Variants in TMEM177 observed in about 807,000 individuals in gnomAD.
TMEM177 encodes the protein transmembrane protein 177.
In TMEM177, 4 loss-of-function variants were observed where a neutral mutation model predicts 14.2. The observed-to-expected ratio is 0.28, with a 90% CI of 0.14 to 0.64. The LOEUF (loss-of-function observed/expected upper bound fraction) is 0.64, where lower values mean the gene tolerates loss of function less well. TMEM177 is among the 30% of genes least tolerant of loss of function. The pLI, the probability that TMEM177 is intolerant of heterozygous loss-of-function variation, is 0.82. For synonymous variants in TMEM177, 179 were observed against 174.5 expected (o/e 1.03, Z -0.20); for missense variants, 344 against 405.2 (o/e 0.85, Z 1.30).
the TMEM177 span, among the ~76,000 whole-genome samples, chr2:119,691,843 A>G: frequency 6.6e-6 from 1 of 152,176 alleles, no homozygotes; most frequent in African/African-American, 2.4e-5. Flanking sequence ...GGTCCCCATC[A>G]CCTGGTGACA....
chr2:119,701,022 C>T, the TMEM177 span, among the ~76,000 whole-genome samples: 1 of 152,196 alleles, frequency 6.6e-6, no homozygotes, highest in Non-Finnish European at 1.5e-5. Context: ...ATCCTGGGGA[C>T]AAGAGAGCCA....
chr2:119,718,590 TCTTA>T, the TMEM177 span, among the ~76,000 whole-genome samples: 1 of 152,242 alleles, frequency 6.6e-6, no homozygotes, highest in Non-Finnish European at 1.5e-5. Flanking sequence ...GCCATCTCAC[TCTTA>T]CTTCATGTGG....
At chr2:119,695,220 G>T in the TMEM177 span, among the ~76,000 whole-genome samples, 1 of 152,190 alleles carries the variant, frequency 6.6e-6, no homozygotes, top group Admixed American at 6.5e-5. Context: ...GGACAAATGG[G>T]ACTGGGAAAA....
chr2:119,715,831 T>C, the TMEM177 span, among the ~76,000 whole-genome samples: 14 of 152,318 alleles, frequency 9.2e-5, no homozygotes, highest in African/African-American at 3.1e-4. Context: ...GCAAAGCCTG[T>C]CCCTGTGTTG....
chr2:119,714,607 C>T, the TMEM177 span, among the ~76,000 whole-genome samples: 3 of 152,228 alleles, frequency 2.0e-5, no homozygotes, highest in Admixed American at 6.5e-5. Context: ...ACCACTCCTT[C>T]GATCTGCCCC....
At chr2:119,712,176 T>A in the TMEM177 span, among the ~76,000 whole-genome samples, 1 of 151,398 alleles carries the variant, frequency 6.6e-6, no homozygotes, top group African/African-American at 2.4e-5. Context: ...TTTGGGCCCG[T>A]TTCTTTATCT....
the TMEM177 span, among the ~76,000 whole-genome samples, chr2:119,719,653 G>A: frequency 6.6e-6 from 1 of 152,184 alleles, no homozygotes; most frequent in Admixed American, 6.5e-5. Context: ...TTACAATCAT[G>A]AAGGGAAACA....
At chr2:119,721,508 T>G in the TMEM177 span, among the ~76,000 whole-genome samples, 1 of 152,232 alleles carries the variant, frequency 6.6e-6, no homozygotes, top group African/African-American at 2.4e-5. Flanking sequence ...AGTAAATTAT[T>G]GAACCTGAGA....
At chr2:119,703,261 T>C in the TMEM177 span, among the ~76,000 whole-genome samples, 102 of 152,270 alleles carry the variant, frequency 6.7e-4, 1 homozygote, top group Admixed American at 2.0e-3. Context: ...ACAAAGAAAG[T>C]AGGAGTTGAT....
the TMEM177 span, among the ~76,000 whole-genome samples, chr2:119,706,278 G>T: frequency 6.6e-6 from 1 of 151,942 alleles, no homozygotes; most frequent in Non-Finnish European, 1.5e-5. Context: ...TGCCTGCCTC[G>T]GCCTTCCAAA....
At chr2:119,717,412 G>A in the TMEM177 span, among the ~76,000 whole-genome samples, 3,119 of 152,140 alleles carry the variant, frequency 0.021, 44 homozygotes, top group Non-Finnish European at 0.032. Flanking sequence ...TGAGTGTGGG[G>A]CCCCATATGC....
At chr2:119,679,945 C>A (rs533506591) in intron 1 of TMEM177, among the ~76,000 whole-genome samples, 2 of 152,276 alleles carry the variant, frequency 1.3e-5, no homozygotes, top group East Asian at 1.9e-4. Context: ...AGAAATTTGT[C>A]CTCTGGGAGT....
rs771110134 is a variant in TMEM177 at position 119,680,973 on chromosome 2, CG to C, written c.121del (p.Val41TrpfsTer32). The C allele has an allele frequency of 1.2e-6, 2 of 1,614,212 alleles. No homozygotes were observed. The highest frequency in any genetic ancestry group is 2.2e-5 in the South Asian group (2 of 91,084). On this transcript the variant is annotated frameshift_variant, in exon 2 of 2. Coordinates refer to ENST00000272521, the MANE Select transcript of TMEM177 (RefSeq NM_030577.3). LOFTEE classifies it high-confidence loss of function. Reference sequence around the variant, plus strand: ...TCTCGTACCACCTCTTCCCGGATCCCGTGGTCCAATGGCTCTACCAGTACTG... The same window carrying C: ...TCTCGTACCACCTCTTCCCGGATCCCTGGTCCAATGGCTCTACCAGTACTG... The part of the protein sequence containing the change: ...PISYHLFPDP[V>X]VQWLYQYWPQ...
At chr2:119,707,422 A>C in the TMEM177 span, among the ~76,000 whole-genome samples, 1 of 152,226 alleles carries the variant, frequency 6.6e-6, no homozygotes, top group Non-Finnish European at 1.5e-5. Flanking sequence ...AATTAGGCCA[A>C]ATCTCCATGG....
the TMEM177 span, among the ~76,000 whole-genome samples, chr2:119,714,112 T>A: frequency 1.3e-5 from 2 of 152,024 alleles, no homozygotes; most frequent in Non-Finnish European, 2.9e-5. Context: ...GGGCTGTGTA[T>A]GAAGAGAGGA....
rs968097406 is a variant in TMEM177, at chr2:119,682,019, A to G, written c.*230A>G. The stretch of plus-strand genomic sequence containing the variant: ...TTGTTTCTTGAACTGTAAAGTGGAG[A>G]TGATGTAAACCGCCTTGCAAGATTG... On this transcript the variant is annotated 3_prime_UTR_variant, in exon 2 of 2. Coordinates refer to ENST00000272521, the MANE Select transcript of TMEM177 (RefSeq NM_030577.3). 3.9e-5 allele frequency: 20 copies of G among 516,204 alleles called. No individual in the cohort carries two copies. The highest frequency in any genetic ancestry group is 3.2e-4 in the African/African-American group (17 of 52,488). 32.0% of individuals were successfully genotyped at this position (516,204 alleles called of 1,614,324 possible).
downstream of TMEM177, among the ~76,000 whole-genome samples, chr2:119,690,087 C>T (rs1689070975): frequency 6.6e-6 from 1 of 152,200 alleles, no homozygotes. Context: ...GTGTCCCCAA[C>T]CAAATCTCAT....
the TMEM177 span, among the ~76,000 whole-genome samples, chr2:119,702,627 TA>T: frequency 2.0e-5 from 3 of 152,090 alleles, no homozygotes; most frequent in African/African-American, 7.2e-5. Context: ...ATGTAAAAAT[TA>T]ATGCAAAATA....
At chr2:119,719,472 C>T in the TMEM177 span, among the ~76,000 whole-genome samples, 7 of 152,184 alleles carry the variant, frequency 4.6e-5, no homozygotes, top group Non-Finnish European at 8.8e-5. Context: ...GGTGCTGCCC[C>T]GGCCTCGTCA....
Sources: gnomAD v4.1 joint callset for allele counts (sites outside exome capture counted in the v4.1 genomes callset) on GRCh38, gnomAD v4.1.1 for gene constraint, MANE v1.5 for transcripts, NCBI Gene and HGNC (gene_info 2026-07-23, HGNC 2026-07-21) for gene names.